CKAP2: variants seen among roughly 807,000 people sequenced by gnomAD.
The protein encoded by CKAP2 is cytoskeleton-associated protein 2.
A neutral mutation model predicts 58.4 loss-of-function variants in CKAP2; 46 were observed. The observed-to-expected ratio is 0.79, with a 90% CI of 0.62 to 1.01. CKAP2 has a LOEUF of 1.01. CKAP2 is among the 50% of genes least tolerant of loss of function. The pLI, the probability that CKAP2 is intolerant of heterozygous loss-of-function variation, is 0.00. For synonymous variants in CKAP2, 293 were observed against 280.9 expected, an observed-to-expected ratio of 1.04 and a Z score of -0.43; for missense variants, 809 against 796.4, an observed-to-expected ratio of 1.02 and a Z score of -0.19.
Position 52,461,710 on chromosome 13 carries a change from C to G in CKAP2, c.884C>G (p.Ala295Gly). The change falls in exon 4 of 9, where the codon GCT becomes GGT. Residue 295 changes from alanine to glycine, a missense_variant. By Grantham distance (60) the Ala-to-Gly change is moderately conservative. Transcript: ENST00000258607. ...HEKELLQSKT[A>G]LSSVKTSSSQ... The stretch of plus-strand genomic sequence containing the variant: ...AAAGAACTATTACAATCAAAAACAG[C>G]TTTATCTAGTGTCAAAACCAGTTCT... The G allele has an allele frequency of 6.2e-7, 1 of 1,613,882 alleles. No individual in the cohort carries two copies. The highest frequency in any genetic ancestry group is 2.2e-5 in the East Asian group (1 of 44,888).
At chr13:52,470,605 G>GA (rs370191742) in intron 7 of CKAP2, among the ~76,000 whole-genome samples, 34 of 149,122 alleles carry the variant, frequency 2.3e-4, no homozygotes, top group African/African-American at 3.2e-4. Flanking sequence ...TGTATTAACT[G>GA]AAAAAAAAAA....
chr13:52,474,799 T>C lies in CKAP2; in HGVS notation c.1803-96T>C, dbSNP rs544334345. The C allele has an allele frequency of 4.1e-6, 5 of 1,218,250 alleles. No individual in the cohort carries two copies. The Admixed American group carries it at 1.3e-4, about 31-fold the overall frequency. 75.5% of individuals were successfully genotyped at this position (1,218,250 alleles called of 1,614,324 possible). A position where few individuals can be genotyped will look rare whatever the true frequency, so the allele number is the denominator to read the frequency against. On this transcript the variant is annotated intron_variant, in intron 8 of 8. Transcript: ENST00000258607. The stretch of plus-strand genomic sequence containing the variant: ...ACAATTAAATGCTTTTACCTGCTTA[T>C]AACATACAAGCTATATAGTATGGTA...
intron 2 of CKAP2, among the ~76,000 whole-genome samples, chr13:52,460,079 G>A (rs187779673): frequency 2.6e-5 from 4 of 151,790 alleles, no homozygotes; most frequent in African/African-American, 9.7e-5. Context: ...GGCTGCTCTC[G>A]AACTCCTGAG....
At chr13:52,455,999 T>G in intron 1 of CKAP2, 1 of 1,070,032 alleles carries the variant, frequency 9.3e-7, no homozygotes, top group Non-Finnish European at 1.1e-6. Flanking sequence ...CTCCGCCTCT[T>G]AGGTCCCTAG....
intron 1 of CKAP2, 23 bp from the exon 2 acceptor site, chr13:52,456,500 T>C (rs1958482151): frequency 1.3e-6 from 2 of 1,538,716 alleles, no homozygotes; most frequent in Admixed American, 1.8e-5. Flanking sequence ...TATTGACTTG[T>C]AGCTCTTACC....
Position 52,461,584 on chromosome 13 carries a change from G to A in CKAP2, c.758G>A (p.Arg253Gln), listed in dbSNP as rs1263440593. 2.5e-6 allele frequency: 4 copies of A among 1,613,974 alleles called. No homozygotes were observed. The highest frequency in any genetic ancestry group is 3.4e-6 in the Non-Finnish European group (4 of 1,180,030). The change falls in exon 4 of 9, where the codon CGA (arginine) becomes CAA (glutamine). Residue 253 changes from arginine (R) to glutamine (Q), a missense_variant. Physicochemically the swap from Arg to Gln is conservative, Grantham distance 43 (BLOSUM62 1). Coordinates refer to ENST00000258607, the MANE Select transcript of CKAP2 (RefSeq NM_018204.5). ...ACATCTCAGAACACACAACTTGTGC[G>A]ACCTCCTATTAGAAGTCATCACAGT... is the stretch of plus-strand genomic sequence containing the variant. ...STTSQNTQLV[R>Q]PPIRSHHSNT...
Position 52,465,447 on chromosome 13 carries a change from C to T in CKAP2, c.1458C>T (p.Ala486=), listed in dbSNP as rs1283594389. The T allele has an allele frequency of 3.1e-6, 5 of 1,613,350 alleles. No individual in the cohort carries two copies. The highest frequency in any genetic ancestry group is 1.7e-4 in the Middle Eastern group (1 of 6,056). The change falls in exon 6 of 9, where the codon GCC becomes GCT. Residue 486 remains alanine, a synonymous_variant. Coordinates refer to ENST00000258607, the MANE Select transcript of CKAP2 (RefSeq NM_018204.5). ...IENIIAIYEK[A]ILAGAQPIEE... Reference sequence around the variant, plus strand: ...ATATTATTGCAATCTATGAGAAAGCCATTCTGGCAGGGGCTCAGGTAAGAT... The same window carrying T: ...ATATTATTGCAATCTATGAGAAAGCTATTCTGGCAGGGGCTCAGGTAAGAT...
intron 2 of CKAP2, among the ~76,000 whole-genome samples, chr13:52,457,237 A>C (rs565516277): frequency 6.6e-6 from 1 of 152,108 alleles, no homozygotes; most frequent in African/African-American, 2.4e-5. Context: ...AGTCTAAGAG[A>C]AAAAAACAAT....
At chr13:52,466,458 C>G (rs1347264195) in intron 6 of CKAP2, among the ~76,000 whole-genome samples, 1 of 152,164 alleles carries the variant, frequency 6.6e-6, no homozygotes, top group Non-Finnish European at 1.5e-5. Flanking sequence ...CAGTGGCTGT[C>G]ATGTGTAAAA....
chr13:52,474,926 AATTCCGC>A lies in CKAP2; in HGVS notation c.1838_1844del (p.Ser613LeufsTer4). 1 of 1,610,552 alleles carries A rather than the reference AATTCCGC, an allele frequency of 6.2e-7. No individual in the cohort carries two copies. Among genetic ancestry groups the A allele is most frequent in the South Asian group, 1.1e-5 (1 of 90,972 alleles). On this transcript the variant is annotated frameshift_variant, in exon 9 of 9. Transcript: ENST00000258607. LOFTEE classifies it high-confidence loss of function. ...AAAAAAGGTGCAGTTTGATGGAACA[AATTCCGC>A]ATTTAAAGAGCTGAAGTTTTTAACA...
At position 52,462,463 on chromosome 13, in the gene CKAP2, C is replaced by G. The variant is rs764298933; in HGVS notation, c.1201C>G (p.Pro401Ala). 6.2e-7 allele frequency: 1 copy of G among 1,614,052 alleles called. No homozygotes were observed. The change falls in exon 5 of 9, where the codon CCA (proline) becomes GCA (alanine). Residue 401 changes from proline to alanine, a missense_variant. By Grantham distance (27) the Pro-to-Ala change is conservative. Coordinates refer to ENST00000258607, the MANE Select transcript of CKAP2 (RefSeq NM_018204.5). ...QHEPAGQNEK[P>A]VGSFWTTMAE... ...TGAGCCTGCAGGACAAAATGAAAAACCAGTTGGGTCTTTTTGGACTACCAT... is the reference window on the plus strand; with the variant it reads ...TGAGCCTGCAGGACAAAATGAAAAAGCAGTTGGGTCTTTTTGGACTACCAT...
rs1958805175 is a variant in CKAP2, at chr13:52,474,769, A to G, written c.1803-126A>G. ...TTCGGTGAGCTTATAGTACCTCTCT[A>G]AAAGACAATTAAATGCTTTTACCTG... is the stretch of plus-strand genomic sequence containing the variant. On this transcript the variant is annotated intron_variant, in intron 8 of 8. Transcript: ENST00000258607. 1.7e-5 allele frequency: 16 copies of G among 939,266 alleles called. No homozygotes were observed. In the South Asian group the frequency reaches 2.8e-4, roughly 17 times the overall value. 58.2% of individuals were successfully genotyped at this position (939,266 alleles called of 1,614,324 possible). A position where few individuals can be genotyped will look rare whatever the true frequency, so the allele number is the denominator to read the frequency against.
chr13:52,471,310 T>A (rs1439322848), intron 7 of CKAP2, among the ~76,000 whole-genome samples: 1 of 152,246 alleles, frequency 6.6e-6, no homozygotes, highest in African/African-American at 2.4e-5. Context: ...TAAGTTGCTC[T>A]TCCTATCTTA....
At position 52,468,405 on chromosome 13, in the gene CKAP2, T is replaced by A; in HGVS notation, c.1546+58T>A. ...AACTGTAGTTTTTTTTTGTTGTTGT[T>A]TTTTAACTTTTATTTTAAGATCAGG... is the stretch of plus-strand genomic sequence containing the variant. On this transcript the variant is annotated intron_variant, in intron 7 of 8. Transcript: ENST00000258607. The A allele has an allele frequency of 7.5e-6, 8 of 1,066,784 alleles. No individual in the cohort carries two copies. The South Asian group carries it at 9.8e-5, about 13-fold the overall frequency. 66.1% of individuals were successfully genotyped at this position (1,066,784 alleles called of 1,614,324 possible). A position where few individuals can be genotyped will look rare whatever the true frequency, so the allele number is the denominator to read the frequency against.
rs1566099020 is a variant in CKAP2, at chr13:52,461,428, C to G, written c.602C>G (p.Ser201Cys). Residue 201 changes from serine (S) to cysteine (C), a missense_variant, in exon 4 of 9, where the codon TCT (serine) becomes TGT (cysteine). Around this residue, in one of 3 missense-constraint regions of CKAP2, gnomAD observed 523 missense variants for 492.4 expected, o/e 1.06. Transcript: ENST00000258607. ...RKPLQVKDES[S>C]AATKKLSATI... is the part of the protein sequence containing the mutation. ...CCTCTACAAGTCAAAGATGAGAGTT[C>G]TGCAGCAACAAAGAAACTTTCAGCC... The G allele has an allele frequency of 6.2e-7, 1 of 1,614,040 alleles. No individual in the cohort carries two copies. The highest frequency in any genetic ancestry group is 1.3e-5 in the African/African-American group (1 of 74,908).
At chr13:52,472,686 G>T (rs761673762) in intron 7 of CKAP2, among the ~76,000 whole-genome samples, 13 of 152,102 alleles carry the variant, frequency 8.5e-5, no homozygotes, top group Admixed American at 1.3e-4. Context: ...CTTAAGAAAT[G>T]TTGGATAAGA....
At chr13:52,465,225 A>G (rs1050097045) in intron 5 of CKAP2, 70 bp from the exon 6 acceptor site, 4 of 1,310,130 alleles carry the variant, frequency 3.1e-6, no homozygotes, top group Non-Finnish European at 4.3e-6. Flanking sequence ...TCTTGACTAT[A>G]GTAGGCTCAA....
chr13:52,465,493 A>G lies in CKAP2; in HGVS notation c.1476+28A>G, dbSNP rs114093183. ...AAGATAAAAATTTACTGATCTTTAC[A>G]ATTACAGTGTAGTAGACAATTCGGA... On this transcript the variant is annotated intron_variant, in intron 6 of 8. Transcript: ENST00000258607. The G allele has an allele frequency of 4.2e-3, 6,571 of 1,580,814 alleles. 54 individuals are homozygous for G. The highest frequency in any genetic ancestry group is 0.02 in the Middle Eastern group (119 of 5,992).
Position 52,474,085 on chromosome 13 carries a change from G to A in CKAP2, c.1802+1G>A, listed in dbSNP as rs1167502496. On this transcript the variant is annotated splice_donor_variant, in intron 8 of 8. Transcript: ENST00000258607. LOFTEE classifies it high-confidence loss of function. The stretch of plus-strand genomic sequence containing the variant: ...TGTCTACTACGCCATACTTGCAAAG[G>A]TAAACTTTTAAAATGTACCATGATT... 3 of 1,604,714 alleles carry A rather than the reference G, an allele frequency of 1.9e-6. No individual in the cohort carries two copies. The highest frequency in any genetic ancestry group is 1.7e-6 in the Non-Finnish European group (2 of 1,175,342).
Sources: allele counts gnomAD v4.1 joint callset (sites outside exome capture counted in the v4.1 genomes callset), GRCh38; gene constraint gnomAD v4.1.1; regional missense constraint gnomAD v4.1.1; transcripts MANE v1.5; gene names NCBI Gene and HGNC (gene_info 2026-07-23, HGNC 2026-07-21).